Variants in LINGO2 observed in about 807,000 individuals in gnomAD.
LINGO2 encodes the protein leucine-rich repeat and immunoglobulin-like domain-containing nogo receptor-interacting protein 2.
In LINGO2, 14 loss-of-function variants were observed where a neutral mutation model predicts 30.6. The observed-to-expected ratio is 0.46, with a 90% CI of 0.30 to 0.72. The LOEUF (loss-of-function observed/expected upper bound fraction) is 0.72, where lower values mean the gene tolerates loss of function less well. Ranked by LOEUF, LINGO2 falls within the 30% of genes least tolerant of loss-of-function variation. LINGO2 has a pLI of 0.07. For synonymous variants in LINGO2, 317 were observed against 288.5 expected (o/e 1.10, Z -1.00); for missense variants, 729 against 751.7 (o/e 0.97, Z 0.35).
At chr9:28,294,750 AAAAGAAGAAC>A (rs1722078592) in intron 4 of LINGO2, among the ~76,000 whole-genome samples, 1 of 152,232 alleles carries the variant, frequency 6.6e-6, no homozygotes, top group South Asian at 2.1e-4. Flanking sequence ...TCAAAGAAAT[AAAAGAAGAAC>A]AATGGTATAA....
At chr9:28,923,337 G>C in the LINGO2 span, among the ~76,000 whole-genome samples, 2 of 152,160 alleles carry the variant, frequency 1.3e-5, no homozygotes, top group Non-Finnish European at 2.9e-5. Flanking sequence ...AATCTCACGA[G>C]TGGCTTTTAA....
At chr9:28,971,122 C>T in the LINGO2 span, among the ~76,000 whole-genome samples, 6 of 152,186 alleles carry the variant, frequency 3.9e-5, no homozygotes, top group East Asian at 1.9e-4. Flanking sequence ...TATTTCCAGA[C>T]GCACCCTGGG....
At chr9:28,403,618 A>G (rs1182204420) in intron 2 of LINGO2, among the ~76,000 whole-genome samples, 2 of 149,172 alleles carry the variant, frequency 1.3e-5, no homozygotes, top group Non-Finnish European at 1.5e-5. Flanking sequence ...CTAAAATGCT[A>G]TTGTTTTAAA....
At chr9:28,508,226 AT>A (rs1564252378) in intron 1 of LINGO2, among the ~76,000 whole-genome samples, 1 of 152,134 alleles carries the variant, frequency 6.6e-6, no homozygotes, top group Non-Finnish European at 1.5e-5. Flanking sequence ...TTCAAAAAAA[AT>A]CATTACATCT....
chr9:28,793,376 T>C, the LINGO2 span, among the ~76,000 whole-genome samples: 2 of 152,344 alleles, frequency 1.3e-5, no homozygotes, highest in East Asian at 3.9e-4. Context: ...GAATTCAGGC[T>C]ACATTTTCCA....
At chr9:28,309,543 T>A (rs1824521180) in intron 3 of LINGO2, among the ~76,000 whole-genome samples, 1 of 151,584 alleles carries the variant, frequency 6.6e-6, no homozygotes, top group South Asian at 2.1e-4. Flanking sequence ...ATAACTAACC[T>A]GCATGTTGTG....
chr9:28,197,252 A>G (rs1270519439), intron 4 of LINGO2, among the ~76,000 whole-genome samples: 2 of 152,046 alleles, frequency 1.3e-5, no homozygotes, highest in South Asian at 2.1e-4. Flanking sequence ...AATAAAGTTT[A>G]CATGAAAAAT....
rs550841443 is a variant in LINGO2, at chr9:28,297,198, TA to T, written c.-245-1833del. Reference sequence around the variant, plus strand: ...CATACTTTGGTTCTGCCACTTATTATAAAAAAAGTGAAAATAAGTCAGTATA... The same window carrying T: ...CATACTTTGGTTCTGCCACTTATTATAAAAAAGTGAAAATAAGTCAGTATA... On this transcript the variant is annotated intron_variant, in intron 3 of 5. Transcript: ENST00000379992. 1.5e-3 allele frequency among the ~76,000 whole-genome samples: 236 copies of T among 152,272 alleles called. 1 individual carries two copies. The highest frequency in any genetic ancestry group is 5.3e-3 in the African/African-American group (222 of 41,558).
chr9:28,460,449 G>A (rs1825032447), intron 2 of LINGO2, among the ~76,000 whole-genome samples: 1 of 152,092 alleles, frequency 6.6e-6, no homozygotes, highest in Non-Finnish European at 1.5e-5. Flanking sequence ...TAAAAACTCA[G>A]CCTTGCAGTA....
chr9:28,587,524 T>C (rs1363341400), intron 1 of LINGO2, among the ~76,000 whole-genome samples: 1 of 151,904 alleles, frequency 6.6e-6, no homozygotes, highest in African/African-American at 2.4e-5. Context: ...TGTGTGACTA[T>C]GTACAGGGTG....
the LINGO2 span, among the ~76,000 whole-genome samples, chr9:28,774,959 G>T: frequency 6.7e-6 from 1 of 150,246 alleles, no homozygotes; most frequent in African/African-American, 2.5e-5. Context: ...GGAACAAATC[G>T]TCGAATAAGT....
the LINGO2 span, among the ~76,000 whole-genome samples, chr9:28,833,486 G>A: frequency 6.6e-6 from 1 of 152,260 alleles, no homozygotes; most frequent in Admixed American, 6.5e-5. Flanking sequence ...TTAATGATAT[G>A]TAATGGAACC....
chr9:28,107,666 C>A (rs191514252), intron 4 of LINGO2, among the ~76,000 whole-genome samples: 2 of 152,184 alleles, frequency 1.3e-5, no homozygotes, highest in Non-Finnish European at 2.9e-5. Context: ...ATAAGGTAAA[C>A]CTTTCTCAAG....
At position 28,528,192 on chromosome 9, in the gene LINGO2, T is replaced by C. The variant is rs1402206445; in HGVS notation, c.-364-52167A>G. On this transcript the variant is annotated intron_variant, in intron 1 of 5. Transcript: ENST00000379992. ...AGAATTTTCACAAAACAGAGACAAGTTCTGTTCAACTTCTGAGAAAATTAC... is the reference window on the plus strand; with the variant it reads ...AGAATTTTCACAAAACAGAGACAAGCTCTGTTCAACTTCTGAGAAAATTAC... Among the ~76,000 whole-genome samples the C allele has an allele frequency of 2.0e-5, 3 of 152,150 alleles. 1 individual carries two copies. The highest frequency in any genetic ancestry group is 1.5e-5 in the Non-Finnish European group (1 of 68,026).
At chr9:28,715,826 C>T in the LINGO2 span, among the ~76,000 whole-genome samples, 1 of 151,812 alleles carries the variant, frequency 6.6e-6, no homozygotes, top group Non-Finnish European at 1.5e-5. Context: ...ACTAAAGGTA[C>T]CTGTGGCTTT....
At chr9:28,695,827 T>C in the LINGO2 span, among the ~76,000 whole-genome samples, 184 of 151,974 alleles carry the variant, frequency 1.2e-3, no homozygotes, top group African/African-American at 4.1e-3. Context: ...TTTTTTGCAA[T>C]TAAAAACAAA....
At chr9:28,023,526 C>T (rs1450990929) in intron 4 of LINGO2, among the ~76,000 whole-genome samples, 1 of 152,140 alleles carries the variant, frequency 6.6e-6, no homozygotes, top group African/African-American at 2.4e-5. Context: ...CTCTTATGAA[C>T]CAATCTCAGT....
At chr9:28,914,126 G>T in the LINGO2 span, among the ~76,000 whole-genome samples, 1 of 152,108 alleles carries the variant, frequency 6.6e-6, no homozygotes, top group East Asian at 1.9e-4. Flanking sequence ...TGCATAAAAG[G>T]GCAGAAACCC....
chr9:28,546,873 A>C (rs1225146856), intron 1 of LINGO2, among the ~76,000 whole-genome samples: 1 of 151,974 alleles, frequency 6.6e-6, no homozygotes, highest in Non-Finnish European at 1.5e-5. Flanking sequence ...TAAATTAGAG[A>C]AGTAGAATGA....
Sources: gnomAD v4.1 joint callset for allele counts (sites outside exome capture counted in the v4.1 genomes callset) on GRCh38, gnomAD v4.1.1 for gene constraint, MANE v1.5 for transcripts, NCBI Gene and HGNC (gene_info 2026-07-23, HGNC 2026-07-21) for gene names.